Variants in CNTN5 observed in about 807,000 individuals in gnomAD.
CNTN5 encodes contactin-5.
CNTN5 carries 77 observed loss-of-function variants against 129.1 expected under a neutral mutation model. That is an observed-to-expected ratio of 0.60 (90% CI 0.50 to 0.72). The LOEUF (loss-of-function observed/expected upper bound fraction) is 0.72, where lower values mean the gene tolerates loss of function less well. Ranked by LOEUF, CNTN5 falls within the 30% of genes least tolerant of loss-of-function variation. CNTN5 has a pLI of 0.00. For missense variants in CNTN5, 1,478 were observed against 1,328.8 expected (o/e 1.11, Z -1.75); for synonymous variants, 509 against 465.6 (o/e 1.09, Z -1.20).
At chr11:99,462,360 C>CTTTTTTTTTTTTTTTT (rs72276833) in intron 2 of CNTN5, among the ~76,000 whole-genome samples, 9 of 125,268 alleles carry the variant, frequency 7.2e-5, no homozygotes, top group East Asian at 2.2e-4. Flanking sequence ...CTTTTCTTTT[C>CTTTTTTTTTTTTTTTT]TTTTTTTTTT....
At chr11:100,098,720 C>T (rs1045289836) in intron 13 of CNTN5, among the ~76,000 whole-genome samples, 17 of 152,038 alleles carry the variant, frequency 1.1e-4, no homozygotes, top group African/African-American at 4.1e-4. Flanking sequence ...TGGTTATTCT[C>T]CTGGGCTTAT....
rs557893953 is a variant in CNTN5, at chr11:100,130,095, A to G, written c.1580+55801A>G. On this transcript the variant is annotated intron_variant, in intron 13 of 24. Coordinates refer to ENST00000524871, the MANE Select transcript of CNTN5 (RefSeq NM_014361.4). ...TAACCTCTGTTCTCAGAAAAAAAGA[A>G]GTAATGCATATACACACACCATATT... 4.6e-5 allele frequency among the ~76,000 whole-genome samples: 7 copies of G among 152,292 alleles called. No individual in the cohort carries two copies. The East Asian group carries it at 1.4e-3, about 29-fold the overall frequency.
intron 2 of CNTN5, among the ~76,000 whole-genome samples, chr11:99,504,816 T>C (rs1446546572): frequency 6.6e-6 from 1 of 152,158 alleles, no homozygotes; most frequent in Non-Finnish European, 1.5e-5. Flanking sequence ...GACCTTGAAA[T>C]TGCATTACAG....
chr11:99,547,540 G>A (rs1013312171), intron 2 of CNTN5, among the ~76,000 whole-genome samples: 6 of 152,134 alleles, frequency 3.9e-5, no homozygotes, highest in Admixed American at 2.6e-4. Context: ...GCAGGAGGTT[G>A]TAAAGATTTA....
chr11:99,816,242 T>C (rs1451597710), intron 3 of CNTN5, among the ~76,000 whole-genome samples: 1 of 152,214 alleles, frequency 6.6e-6, no homozygotes, highest in Admixed American at 6.5e-5. Context: ...AAAAAAATGC[T>C]AATGTTGGTC....
intron 9 of CNTN5, among the ~76,000 whole-genome samples, chr11:100,019,088 T>C (rs910455793): frequency 6.6e-6 from 1 of 152,034 alleles, no homozygotes; most frequent in African/African-American, 2.4e-5. Flanking sequence ...TTTCTCCCAC[T>C]CTGGGACTGT....
chr11:99,199,591 A>C (rs1012070248), intron 1 of CNTN5, among the ~76,000 whole-genome samples: 1 of 152,140 alleles, frequency 6.6e-6, no homozygotes, highest in African/African-American at 2.4e-5. Flanking sequence ...TCTGCTTCAC[A>C]CAGTCTCCTA....
rs1219596244 is a variant in CNTN5 at position 99,524,837 on chromosome 11, T to C, written c.-70-31308T>C. 2.0e-5 allele frequency among the ~76,000 whole-genome samples: 3 copies of C among 152,086 alleles called. No individual in the cohort carries two copies. The East Asian group carries it at 5.8e-4, about 29-fold the overall frequency. On this transcript the variant is annotated intron_variant, in intron 2 of 24. Transcript: ENST00000524871. The stretch of plus-strand genomic sequence containing the variant: ...CAAAAAAAAAGTGTATTTATATGTA[T>C]ATATATTTTCAATAAAAACATACTA...
chr11:100,026,606 T>C (rs1361286183), intron 9 of CNTN5, among the ~76,000 whole-genome samples: 1 of 152,212 alleles, frequency 6.6e-6, no homozygotes, highest in Non-Finnish European at 1.5e-5. Flanking sequence ...TCATTGTTAT[T>C]TTAATTTGCA....
At chr11:99,351,447 T>C (rs548588831) in intron 2 of CNTN5, among the ~76,000 whole-genome samples, 1 of 152,340 alleles carries the variant, frequency 6.6e-6, no homozygotes, top group South Asian at 2.1e-4. Context: ...GTAATAGTTG[T>C]TGTGGTATAC....
At chr11:99,391,184 A>C (rs1486776818) in intron 2 of CNTN5, among the ~76,000 whole-genome samples, 1 of 152,140 alleles carries the variant, frequency 6.6e-6, no homozygotes, top group Non-Finnish European at 1.5e-5. Flanking sequence ...CCTGTAAAAA[A>C]CAAGTTTAAT....
intron 13 of CNTN5, among the ~76,000 whole-genome samples, chr11:100,152,032 C>T (rs1285088908): frequency 6.6e-6 from 1 of 152,168 alleles, no homozygotes; most frequent in African/African-American, 2.4e-5. Flanking sequence ...AACCACGTCT[C>T]CTTTAGTCAC....
At chr11:99,182,684 T>A (rs984464324) in intron 1 of CNTN5, among the ~76,000 whole-genome samples, 1 of 152,012 alleles carries the variant, frequency 6.6e-6, no homozygotes, top group Non-Finnish European at 1.5e-5. Context: ...AAATGTTTAC[T>A]CTCTAATAAG....
At chr11:99,997,650 C>T (rs1417599882) in intron 8 of CNTN5, among the ~76,000 whole-genome samples, 4 of 152,090 alleles carry the variant, frequency 2.6e-5, no homozygotes, top group Admixed American at 6.5e-5. Flanking sequence ...CCCTAACTCA[C>T]TTTATGAGGC....
chr11:99,563,070 G>A (rs144198826), intron 3 of CNTN5, among the ~76,000 whole-genome samples: 1 of 152,242 alleles, frequency 6.6e-6, no homozygotes, highest in East Asian at 1.9e-4. Flanking sequence ...AGGGGAAAGA[G>A]GAAGTACAGG....
intron 2 of CNTN5, among the ~76,000 whole-genome samples, chr11:99,337,964 T>C (rs1866308901): frequency 6.6e-6 from 1 of 152,210 alleles, no homozygotes; most frequent in Non-Finnish European, 1.5e-5. Flanking sequence ...ATTATTCAAC[T>C]ATAGGATATT....
rs545575579 is a variant in CNTN5, at chr11:99,583,063, G to A, written c.55+26794G>A. ...TAACAGTCAGGACTCTCAGCTTCAG[G>A]TCTGTTGGAGTTTACTGGAGGTCCA... On this transcript the variant is annotated intron_variant, in intron 3 of 24. Transcript: ENST00000524871. Among the ~76,000 whole-genome samples, 9 of 152,324 alleles carry A rather than the reference G, an allele frequency of 5.9e-5. No individual in the cohort carries two copies. The South Asian group carries it at 1.9e-3, about 32-fold the overall frequency.
intron 16 of CNTN5, among the ~76,000 whole-genome samples, chr11:100,236,201 C>T (rs1318970733): frequency 6.6e-6 from 1 of 152,108 alleles, no homozygotes. Context: ...AAGATAAATT[C>T]CCCCACACTC....
chr11:100,321,824 A>G (rs1951702605), intron 21 of CNTN5, among the ~76,000 whole-genome samples: 1 of 152,168 alleles, frequency 6.6e-6, no homozygotes, highest in Admixed American at 6.5e-5. Context: ...TTTGTCTTTC[A>G]TTCCAGTGAG....
Sources: gnomAD v4.1 joint callset for allele counts (sites outside exome capture counted in the v4.1 genomes callset) on GRCh38, gnomAD v4.1.1 for gene constraint, MANE v1.5 for transcripts, NCBI Gene and HGNC (gene_info 2026-07-23, HGNC 2026-07-21) for gene names.